Variants in ADAM17 observed in about 807,000 individuals in gnomAD.
ADAM17 encodes ADAM metallopeptidase domain 17.
ADAM17 carries 39 observed loss-of-function variants against 96.7 expected under a neutral mutation model. The ratio of observed to expected loss-of-function variants is 0.40; its 90% CI spans 0.31 to 0.53. ADAM17 has a LOEUF of 0.53. Ranked by LOEUF, ADAM17 falls within the 20% of genes least tolerant of loss-of-function variation. ADAM17 has a pLI of 0.44. For synonymous variants in ADAM17, 344 were observed against 359.2 expected (o/e 0.96, Z 0.48); for missense variants, 777 against 1,013.2 (o/e 0.77, Z 3.17).
intron 10 of ADAM17, among the ~76,000 whole-genome samples, chr2:9,516,782 A>G (rs1664080783): frequency 6.6e-6 from 1 of 152,080 alleles, no homozygotes; most frequent in Non-Finnish European, 1.5e-5. Context: ...TAAAAATTAA[A>G]AATCAGTATA....
intron 2 of ADAM17, among the ~76,000 whole-genome samples, chr2:9,538,338 G>C (rs1018525346): frequency 1.3e-5 from 2 of 152,078 alleles, no homozygotes; most frequent in African/African-American, 4.8e-5. Context: ...ATCTAGACTG[G>C]GACTATCTCC....
At chr2:9,545,716 C>CTG (rs1223457913) in intron 1 of ADAM17, among the ~76,000 whole-genome samples, 1 of 152,186 alleles carries the variant, frequency 6.6e-6, no homozygotes, top group African/African-American at 2.4e-5. Context: ...AAATTAGTAA[C>CTG]TGTGAAATGG....
chr2:9,521,436 C>A, intron 7 of ADAM17, 120 bp from the exon 8 acceptor site: 2 of 654,304 alleles, frequency 3.1e-6, no homozygotes, highest in Non-Finnish European at 4.9e-6. Flanking sequence ...ATTTTAAAAC[C>A]AAAATTCATA....
At chr2:9,535,762 T>C in intron 4 of ADAM17, 72 bp downstream of exon 4, 3 of 958,166 alleles carry the variant, frequency 3.1e-6, no homozygotes, top group Non-Finnish European at 4.7e-6. Context: ...ACTTTTCACC[T>C]TTGCAGAACT....
In ADAM17 at chr2:9,518,259, C is replaced by CAAAAAAAA. The variant is rs34863481; in HGVS notation, c.958-20_958-13dup. 8 of 817,300 alleles carry CAAAAAAAA rather than the reference C, an allele frequency of 9.8e-6. No homozygotes were observed. Among genetic ancestry groups the CAAAAAAAA allele is most frequent in the Non-Finnish European group, 8.8e-6 (6 of 679,192 alleles). 50.6% of individuals were successfully genotyped at this position (817,300 alleles called of 1,614,324 possible). On this transcript the variant is annotated splice_polypyrimidine_tract_variant and intron_variant, in intron 8 of 18. Coordinates refer to ENST00000310823, the MANE Select transcript of ADAM17 (RefSeq NM_003183.6). The stretch of plus-strand genomic sequence containing the variant: ...TCAAAGCTAAATTGCTTTGAAAGAC[C>CAAAAAAAA]AAAAAAAAAAAAAAAAAAAAAAGCA...
intron 11 of ADAM17, 46 bp downstream of exon 11, chr2:9,509,933 A>C (rs2125007537): frequency 6.2e-7 from 1 of 1,606,470 alleles, no homozygotes; most frequent in Non-Finnish European, 8.5e-7. Context: ...ATCATTATAC[A>C]CAGCCTCTTT....
intron 10 of ADAM17, among the ~76,000 whole-genome samples, chr2:9,514,525 ATATAT>A (rs1663938400): frequency 3.5e-4 from 2 of 5,722 alleles, no homozygotes; most frequent in African/African-American, 1.5e-3. Context: ...ATAAATATAT[ATATAT>A]ATATATATAT....
chr2:9,497,286 C>G, intron 13 of ADAM17, 38 bp from the exon 14 acceptor site: 1 of 1,611,354 alleles, frequency 6.2e-7, no homozygotes, highest in Non-Finnish European at 8.5e-7. Context: ...AAGAATGAGT[C>G]ACAGGTCCAC....
chr2:9,539,219 T>A lies in ADAM17; in HGVS notation c.231-2391A>T, dbSNP rs1421355190. On this transcript the variant is annotated intron_variant, in intron 2 of 18. Transcript: ENST00000310823. The stretch of plus-strand genomic sequence containing the variant: ...ACCTCCTGGGTTCACGCCATTCCCC[T>A]GCCTCAGCCTCCCAAATAGCTGGGA... 2.6e-5 allele frequency among the ~76,000 whole-genome samples: 4 copies of A among 151,976 alleles called. No homozygotes were observed. The East Asian group carries it at 7.8e-4, about 29-fold the overall frequency.
intron 6 of ADAM17, among the ~76,000 whole-genome samples, chr2:9,524,958 A>C (rs1664457307): frequency 6.6e-6 from 1 of 152,228 alleles, no homozygotes; most frequent in Non-Finnish European, 1.5e-5. Flanking sequence ...GTTGTAAAAA[A>C]ATACAATTTT....
At chr2:9,498,202 TTTC>T (rs1553358000) in intron 13 of ADAM17, among the ~76,000 whole-genome samples, 1 of 126,410 alleles carries the variant, frequency 7.9e-6, no homozygotes, top group African/African-American at 3.2e-5. Flanking sequence ...GCTAATTTTC[TTTC>T]TTTTTTTTTG....
chr2:9,510,777 A>G (rs1470184783), intron 10 of ADAM17, among the ~76,000 whole-genome samples: 3 of 152,160 alleles, frequency 2.0e-5, no homozygotes, highest in African/African-American at 7.2e-5. Context: ...GGCTACAGTG[A>G]TCTATGATCA....
At chr2:9,491,213 T>A (rs1355739477) in intron 17 of ADAM17, 62 bp from the exon 18 acceptor site, 18 of 1,440,938 alleles carry the variant, frequency 1.2e-5, no homozygotes, top group Non-Finnish European at 1.5e-5. Context: ...GAGTACTATT[T>A]CATCACAGGC....
At chr2:9,508,308 G>A (rs906045843) in intron 11 of ADAM17, among the ~76,000 whole-genome samples, 6 of 152,086 alleles carry the variant, frequency 3.9e-5, no homozygotes, top group South Asian at 4.2e-4. Context: ...GAATGCCCCC[G>A]TGCCCCTCAC....
At chr2:9,499,257 G>A (rs914486334) in intron 13 of ADAM17, among the ~76,000 whole-genome samples, 1 of 151,772 alleles carries the variant, frequency 6.6e-6, no homozygotes, top group African/African-American at 2.4e-5. Context: ...AAGAACAAAC[G>A]TTTTCAAATT....
At chr2:9,491,067 CG>C (rs766698101) in intron 18 of ADAM17, 33 bp downstream of exon 18, 1 of 1,597,044 alleles carries the variant, frequency 6.3e-7, no homozygotes. Flanking sequence ...TCAGACCAGG[CG>C]AAGATTATGT....
intron 5 of ADAM17, among the ~76,000 whole-genome samples, chr2:9,526,703 G>A (rs545238864): frequency 5.1e-4 from 78 of 152,230 alleles, no homozygotes; most frequent in African/African-American, 1.8e-3. Flanking sequence ...GGCTGAGGCA[G>A]GAGAATCACT....
intron 2 of ADAM17, among the ~76,000 whole-genome samples, chr2:9,542,275 C>T (rs916934802): frequency 6.6e-6 from 1 of 152,160 alleles, no homozygotes; most frequent in African/African-American, 2.4e-5. Context: ...CATGGTGGCT[C>T]ACACCTGTAA....
chr2:9,502,647 T>C (rs1001627424), intron 12 of ADAM17, among the ~76,000 whole-genome samples: 7 of 151,730 alleles, frequency 4.6e-5, no homozygotes, highest in Admixed American at 6.6e-5. Context: ...GAGGCCGAGG[T>C]GGGTGGATCA....
Sources: gnomAD v4.1 joint callset for allele counts (sites outside exome capture counted in the v4.1 genomes callset) on GRCh38, gnomAD v4.1.1 for gene constraint, MANE v1.5 for transcripts, NCBI Gene and HGNC (gene_info 2026-07-23, HGNC 2026-07-21) for gene names.